The following PDS5B variants were observed in gnomAD, a reference collection of about 807,000 sequenced individuals.
The protein encoded by PDS5B is PDS5 cohesin associated factor B.
A neutral mutation model predicts 184.1 loss-of-function variants in PDS5B; 51 were observed. The observed-to-expected ratio is 0.28, with a 90% CI of 0.22 to 0.35. The LOEUF (loss-of-function observed/expected upper bound fraction) is 0.35, where lower values mean the gene tolerates loss of function less well. PDS5B is among the 10% of genes least tolerant of loss of function. The pLI is 1.00. For missense variants in PDS5B, 1,180 were observed against 1,723.3 expected (o/e 0.68, Z 5.58); for synonymous variants, 566 against 569.2 (o/e 0.99, Z 0.08).
At position 32,729,982 on chromosome 13, in the gene PDS5B, C is replaced by T. The variant is rs1267795165; in HGVS notation, c.2124-2119C>T. On this transcript the variant is annotated intron_variant, in intron 19 of 34. Coordinates refer to ENST00000315596, the MANE Select transcript of PDS5B (RefSeq NM_015032.4). ...CATTTGTCAATTTTGGCTTTTGTTG[C>T]CATTGCTTTTGGTGTTTTAGTCATG... Among the ~76,000 whole-genome samples the T allele has an allele frequency of 3.3e-5, 5 of 152,244 alleles. No homozygotes were observed. The South Asian group carries it at 8.3e-4, about 25-fold the overall frequency.
intron 26 of PDS5B, among the ~76,000 whole-genome samples, chr13:32,757,634 A>G (rs1404970762): frequency 6.6e-6 from 1 of 152,116 alleles, no homozygotes; most frequent in Non-Finnish European, 1.5e-5. Context: ...TCTCTCTATT[A>G]TTGAATATTC....
chr13:32,661,975 T>G (rs1950662394), intron 6 of PDS5B, among the ~76,000 whole-genome samples: 2 of 152,146 alleles, frequency 1.3e-5, no homozygotes, highest in Non-Finnish European at 2.9e-5. Context: ...GTTAAAATTT[T>G]AAGGATTATA....
intron 1 of PDS5B, among the ~76,000 whole-genome samples, chr13:32,605,565 A>G (rs1340612052): frequency 6.6e-6 from 1 of 152,042 alleles, no homozygotes; most frequent in East Asian, 1.9e-4. Flanking sequence ...TGGGGTGGAG[A>G]GTTCTGTAGA....
At chr13:32,696,976 C>T in intron 15 of PDS5B, 74 bp downstream of exon 15, 1 of 919,312 alleles carries the variant, frequency 1.1e-6, no homozygotes, top group South Asian at 1.5e-5. Flanking sequence ...GTGTTTCATG[C>T]AGTTTTGTTA....
intron 24 of PDS5B, among the ~76,000 whole-genome samples, chr13:32,748,234 T>C (rs1285517862): frequency 1.3e-5 from 2 of 152,218 alleles, no homozygotes; most frequent in Admixed American, 1.3e-4. Flanking sequence ...CAAGAAAGAA[T>C]AATCTATCTT....
Position 32,638,799 on chromosome 13 carries a change from T to C in PDS5B, c.-19-9955T>C, listed in dbSNP as rs372378971. ...GATGTGAGGAGGGCTATTTCCTTTC[T>C]GGTATTAGGGAAGAGGGAGGGAAGG... On this transcript the variant is annotated intron_variant, in intron 1 of 34. Transcript: ENST00000315596. Among the ~76,000 whole-genome samples, 48 of 151,890 alleles carry C rather than the reference T, an allele frequency of 3.2e-4. 2 individuals are homozygous for C. The East Asian group carries it at 5.0e-3, about 16-fold the overall frequency.
chr13:32,726,257 C>T (rs1277802946), intron 19 of PDS5B, among the ~76,000 whole-genome samples: 1 of 151,408 alleles, frequency 6.6e-6, no homozygotes, highest in Non-Finnish European at 1.5e-5. Context: ...CACCTTTTTT[C>T]TCTCTAATGG....
At chr13:32,655,333 G>T (rs1950475273) in intron 3 of PDS5B, among the ~76,000 whole-genome samples, 1 of 109,050 alleles carries the variant, frequency 9.2e-6, no homozygotes, top group Non-Finnish European at 1.8e-5. Context: ...ATCTTCTTTT[G>T]AAAAGTATCT....
At chr13:32,641,774 A>G (rs558983447) in intron 1 of PDS5B, among the ~76,000 whole-genome samples, 1 of 152,316 alleles carries the variant, frequency 6.6e-6, no homozygotes, top group African/African-American at 2.4e-5. Flanking sequence ...AGCATGAACA[A>G]TAAATTGTTC....
intron 10 of PDS5B, among the ~76,000 whole-genome samples, chr13:32,679,903 G>A (rs867531780): frequency 2.8e-5 from 4 of 143,692 alleles, no homozygotes; most frequent in Non-Finnish European, 4.6e-5. Context: ...GTGTGTGTGT[G>A]TGTGTGTGTG....
intron 1 of PDS5B, among the ~76,000 whole-genome samples, chr13:32,640,406 C>T (rs1427494073): frequency 6.6e-6 from 1 of 152,056 alleles, no homozygotes; most frequent in African/African-American, 2.4e-5. Flanking sequence ...GCCACCATGC[C>T]CAGCTAATAT....
intron 3 of PDS5B, among the ~76,000 whole-genome samples, chr13:32,655,193 AT>A (rs140159005): frequency 8.3e-5 from 12 of 145,414 alleles, no homozygotes; most frequent in South Asian, 2.2e-4. Flanking sequence ...AGCATCTGTC[AT>A]TTTTTTTTTG....
chr13:32,717,603 T>A (rs1419009154), intron 19 of PDS5B, among the ~76,000 whole-genome samples: 5 of 138,892 alleles, frequency 3.6e-5, no homozygotes, highest in South Asian at 4.8e-4. Context: ...CTTTGTTCAC[T>A]TGTTTATCTG....
At chr13:32,630,428 C>G (rs1003126971) in intron 1 of PDS5B, among the ~76,000 whole-genome samples, 3 of 152,050 alleles carry the variant, frequency 2.0e-5, no homozygotes, top group Non-Finnish European at 2.9e-5. Flanking sequence ...GTGAGTAGAG[C>G]CCAGGGATGC....
At chr13:32,762,971 A>G (rs1271986979) in intron 30 of PDS5B, among the ~76,000 whole-genome samples, 1 of 152,176 alleles carries the variant, frequency 6.6e-6, no homozygotes, top group Non-Finnish European at 1.5e-5. Flanking sequence ...TTGTTATTCA[A>G]CACAAAAGTA....
intron 10 of PDS5B, among the ~76,000 whole-genome samples, chr13:32,681,831 C>G (rs1951256644): frequency 1.3e-5 from 2 of 152,028 alleles, no homozygotes; most frequent in South Asian, 4.2e-4. Context: ...CCTTTTTAAG[C>G]AAATAATTTG....
chr13:32,715,782 C>A (rs953069151), intron 19 of PDS5B, among the ~76,000 whole-genome samples: 2 of 152,150 alleles, frequency 1.3e-5, no homozygotes, highest in Admixed American at 6.5e-5. Flanking sequence ...CCTCAGCCTG[C>A]CGAGTGCCTG....
chr13:32,689,240 T>A (rs537145728), intron 13 of PDS5B: 25 of 152,352 alleles, frequency 1.6e-4, no homozygotes, highest in African/African-American at 5.8e-4. Context: ...TATTAAGGGT[T>A]AAATGTTGAG....
intron 19 of PDS5B, among the ~76,000 whole-genome samples, chr13:32,717,708 AAATC>A (rs1447623990): frequency 1.4e-5 from 2 of 147,958 alleles, no homozygotes; most frequent in African/African-American, 5.1e-5. Context: ...AAAAATAAAT[AAATC>A]AATAAATTAA....
Sources: allele counts gnomAD v4.1 joint callset (sites outside exome capture counted in the v4.1 genomes callset), GRCh38; gene constraint gnomAD v4.1.1; transcripts MANE v1.5; gene names NCBI Gene and HGNC (gene_info 2026-07-23, HGNC 2026-07-21).